GZMA: variants seen among roughly 807,000 people sequenced by gnomAD.
GZMA encodes the protein CTL tryptase.
In GZMA, 17 loss-of-function variants were observed where a neutral mutation model predicts 21.1. That is an observed-to-expected ratio of 0.81 (90% CI 0.55 to 1.21). The LOEUF (loss-of-function observed/expected upper bound fraction) is 1.21, where lower values mean the gene tolerates loss of function less well. GZMA is among the 50% of genes most tolerant of loss of function. GZMA has a pLI of 0.00. For synonymous variants in GZMA, 90 were observed against 107.8 expected (o/e 0.83, Z 1.03); for missense variants, 306 against 315.9 (o/e 0.97, Z 0.24).
At chr5:55,106,869 T>A (rs962220675) in intron 2 of GZMA, among the ~76,000 whole-genome samples, 9 of 152,288 alleles carry the variant, frequency 5.9e-5, no homozygotes, top group African/African-American at 2.2e-4. Flanking sequence ...AATCTCAAAT[T>A]AGTTCCTCAG....
intron 1 of GZMA, among the ~76,000 whole-genome samples, chr5:55,104,838 T>C (rs1323420195): frequency 6.6e-6 from 1 of 152,170 alleles, no homozygotes; most frequent in Non-Finnish European, 1.5e-5. Flanking sequence ...CCCTATCTCA[T>C]TGGAAAAGAC....
chr5:55,102,873 A>G, intron 1 of GZMA, 121 bp downstream of exon 1: 2 of 716,376 alleles, frequency 2.8e-6, no homozygotes, highest in South Asian at 1.5e-5. Flanking sequence ...CAAGCCTTAT[A>G]ATGTTTAGCC....
At chr5:55,105,110 A>G (rs749907149) in intron 1 of GZMA, among the ~76,000 whole-genome samples, 12 of 152,224 alleles carry the variant, frequency 7.9e-5, no homozygotes, top group Non-Finnish European at 1.5e-4. Flanking sequence ...TTAGCCAAAA[A>G]GGGTGGGAGC....
intron 1 of GZMA, among the ~76,000 whole-genome samples, chr5:55,103,177 T>C (rs528301972): frequency 6.6e-6 from 1 of 152,136 alleles, no homozygotes; most frequent in Non-Finnish European, 1.5e-5. Flanking sequence ...TTAACAAAAC[T>C]CTCTTGTTCG....
At chr5:55,109,840 T>A (rs1742472023) in intron 4 of GZMA, among the ~76,000 whole-genome samples, 181 bp from the exon 5 acceptor site, 2 of 152,208 alleles carry the variant, frequency 1.3e-5, no homozygotes, top group Admixed American at 6.5e-5. Context: ...ATAAACCAAG[T>A]GAACCAATTC....
chr5:55,107,745 T>C (rs1742437605), intron 2 of GZMA, 49 bp from the exon 3 acceptor site: 2 of 1,503,644 alleles, frequency 1.3e-6, no homozygotes, highest in Non-Finnish European at 1.8e-6. Flanking sequence ...TATGCTCAAC[T>C]GCCAATACAA....
chr5:55,108,737 G>T (rs1742456224), intron 4 of GZMA, among the ~76,000 whole-genome samples: 2 of 152,126 alleles, frequency 1.3e-5, no homozygotes, highest in South Asian at 4.1e-4. Flanking sequence ...TGAAGTCAGG[G>T]TTCCTCAAGG....
intron 2 of GZMA, among the ~76,000 whole-genome samples, chr5:55,106,653 T>C (rs1285378701): frequency 6.6e-6 from 1 of 152,202 alleles, no homozygotes; most frequent in Non-Finnish European, 1.5e-5. Context: ...AGAAAGCTTG[T>C]GTCCAATGAC....
intron 1 of GZMA, among the ~76,000 whole-genome samples, 177 bp from the exon 2 acceptor site, chr5:55,105,297 C>A (rs1346471682): frequency 1.3e-5 from 2 of 152,164 alleles, no homozygotes; most frequent in Non-Finnish European, 2.9e-5. Flanking sequence ...TAGAGTCCAA[C>A]AGGAATAGGA....
In GZMA at chr5:55,108,205, C is replaced by T; in HGVS notation, c.438C>T (p.Thr146=). ...PKKGDDVKPG[T]MCQVAGWGRT... The stretch of plus-strand genomic sequence containing the variant: ...AGGGGGACGATGTGAAACCAGGAAC[C>T]ATGTGCCAAGTTGCAGGGTGGGGCA... The change falls in exon 4 of 5, where the codon ACC becomes ACT. Residue 146 remains threonine, a synonymous_variant. Transcript: ENST00000274306. 6.2e-7 allele frequency: 1 copy of T among 1,613,118 alleles called. No homozygotes were observed. Among genetic ancestry groups the T allele is most frequent in the Non-Finnish European group, 8.5e-7 (1 of 1,179,154 alleles).
At chr5:55,105,099 G>A (rs191010133) in intron 1 of GZMA, among the ~76,000 whole-genome samples, 5 of 152,280 alleles carry the variant, frequency 3.3e-5, no homozygotes, top group Admixed American at 2.0e-4. Flanking sequence ...CAAATTAATA[G>A]TTAGCCAAAA....
intron 4 of GZMA, 83 bp downstream of exon 4, chr5:55,108,477 C>A (rs931508027): frequency 9.8e-5 from 114 of 1,168,854 alleles, no homozygotes; most frequent in Middle Eastern, 4.0e-4. Flanking sequence ...TTTGTTTTGT[C>A]ATGGCACTGG....
chr5:55,108,094 C>A (rs530263188), intron 3 of GZMA, 31 bp from the exon 4 acceptor site: 2 of 1,508,110 alleles, frequency 1.3e-6, no homozygotes, highest in South Asian at 2.3e-5. Context: ...TTATCTTATC[C>A]CATTAACACT....
rs1243668020 is a variant in GZMA, at chr5:55,106,258, AAAAT to A, written c.215+648_215+651del. Among the ~76,000 whole-genome samples the A allele has an allele frequency of 2.2e-3, 11 of 5,080 alleles. 4 individuals are homozygous for A. The highest frequency in any genetic ancestry group is 3.8e-3 in the African/African-American group (7 of 1,828). 3.3% of individuals were successfully genotyped at this position (5,080 alleles called of 152,430 possible). The stretch of plus-strand genomic sequence containing the variant: ...AAAATAAAATAAAATAAAATAAAAT[AAAAT>A]AAATAAAATAAAATAAAATAAAATA... On this transcript the variant is annotated intron_variant, in intron 2 of 4. Transcript: ENST00000274306.
At chr5:55,103,052 G>GA (rs5867961) in intron 1 of GZMA, among the ~76,000 whole-genome samples, 146,926 of 151,046 alleles carry the variant, frequency 0.97, 71,569 homozygotes, top group Non-Finnish European at 1. Flanking sequence ...CTGTATTTTA[G>GA]AAAAAAAAAT....
intron 2 of GZMA, among the ~76,000 whole-genome samples, chr5:55,105,858 G>C (rs2111754886): frequency 6.6e-6 from 1 of 151,854 alleles, no homozygotes; most frequent in Middle Eastern, 3.4e-3. Flanking sequence ...TGTAATCCCA[G>C]CTACTTTGGA....
chr5:55,104,463 G>T (rs1242242723), intron 1 of GZMA, among the ~76,000 whole-genome samples: 1 of 152,116 alleles, frequency 6.6e-6, no homozygotes, highest in Non-Finnish European at 1.5e-5. Flanking sequence ...ATTTCATGTG[G>T]TCACTCTCCT....
In GZMA at chr5:55,106,263, A is replaced by AAAT. The variant is rs1742412058; in HGVS notation, c.215+648_215+650dup. On this transcript the variant is annotated intron_variant, in intron 2 of 4. Transcript: ENST00000274306. ...AAAATAAAATAAAATAAAATAAAAT[A>AAAT]AATAAAATAAAATAAAATAAAATAA... Among the ~76,000 whole-genome samples, 2 of 320 alleles carry AAAT rather than the reference A, an allele frequency of 6.3e-3. 1 individual carries two copies. Among genetic ancestry groups the AAAT allele is most frequent in the Non-Finnish European group, 0.018 (2 of 112 alleles). 0.2% of individuals were successfully genotyped at this position (320 alleles called of 152,430 possible).
chr5:55,108,516 A>G (rs1742453072), intron 4 of GZMA, 122 bp downstream of exon 4: 4 of 728,984 alleles, frequency 5.5e-6, no homozygotes, highest in East Asian at 2.7e-5. Flanking sequence ...GCTTTTTGAA[A>G]TAAGTTTAAT....
Sources: gnomAD v4.1 joint callset for allele counts (sites outside exome capture counted in the v4.1 genomes callset) on GRCh38, gnomAD v4.1.1 for gene constraint, MANE v1.5 for transcripts, NCBI Gene and HGNC (gene_info 2026-07-23, HGNC 2026-07-21) for gene names.